Variants in BAZ2B observed in about 807,000 individuals in gnomAD.
BAZ2B encodes bromodomain adjacent to zinc finger domain protein 2B.
BAZ2B carries 91 observed loss-of-function variants against 246.0 expected under a neutral mutation model. The observed-to-expected ratio is 0.37, with a 90% confidence interval of 0.31 to 0.44. BAZ2B has a LOEUF of 0.44. Among genes scored for constraint, BAZ2B ranks in the 20% least tolerant of loss-of-function variants. BAZ2B has a pLI of 1.00. For synonymous variants in BAZ2B, 855 were observed against 860.0 expected, an observed-to-expected ratio of 0.99 and a Z score of 0.10; for missense variants, 2,332 against 2,533.7, an observed-to-expected ratio of 0.92 and a Z score of 1.71.
intron 34 of BAZ2B, among the ~76,000 whole-genome samples, chr2:159,328,188 C>T (rs1220692889): frequency 1.3e-5 from 2 of 151,690 alleles, no homozygotes; most frequent in East Asian, 1.9e-4. Context: ...AGATAGTGCA[C>T]CTACACATAC....
chr2:159,325,223 C>G (rs1456778243), intron 35 of BAZ2B, among the ~76,000 whole-genome samples: 1 of 142,794 alleles, frequency 7.0e-6, no homozygotes, highest in African/African-American at 2.6e-5. Flanking sequence ...CCCTGCCTCC[C>G]GGGTTCAAGT....
intron 1 of BAZ2B, among the ~76,000 whole-genome samples, chr2:159,610,813 G>A (rs1357281670): frequency 6.6e-6 from 1 of 152,032 alleles, no homozygotes; most frequent in African/African-American, 2.4e-5. Flanking sequence ...ATTTAAGTAT[G>A]TGGAATAAAA....
chr2:159,362,638 G>A (rs1303544753), intron 27 of BAZ2B, among the ~76,000 whole-genome samples: 1 of 152,190 alleles, frequency 6.6e-6, no homozygotes, highest in Non-Finnish European at 1.5e-5. Context: ...CCGATGTCAT[G>A]GCTTTCTGAA....
chr2:159,527,625 G>A (rs2084903346), intron 2 of BAZ2B, among the ~76,000 whole-genome samples: 1 of 152,134 alleles, frequency 6.6e-6, no homozygotes, highest in Admixed American at 6.5e-5. Flanking sequence ...TACAGGAGAA[G>A]AAGAACTGAA....
At chr2:159,611,398 C>G (rs1694693832) in intron 1 of BAZ2B, among the ~76,000 whole-genome samples, 1 of 151,710 alleles carries the variant, frequency 6.6e-6, no homozygotes, top group African/African-American at 2.4e-5. Context: ...TCAAAGGTAA[C>G]AGAATGATTT....
At chr2:159,438,731 C>A in intron 7 of BAZ2B, 36 bp from the exon 8 acceptor site, 1 of 1,530,988 alleles carries the variant, frequency 6.5e-7, no homozygotes, top group South Asian at 1.3e-5. Context: ...TTCCTAACAT[C>A]TATTAAGACA....
intron 1 of BAZ2B, among the ~76,000 whole-genome samples, chr2:159,581,373 T>C (rs1279792380): frequency 6.6e-6 from 1 of 152,176 alleles, no homozygotes; most frequent in Admixed American, 6.5e-5. Flanking sequence ...CACTATGAGA[T>C]ACCATCTCAT....
At chr2:159,577,972 CT>C (rs2151611736) in intron 1 of BAZ2B, among the ~76,000 whole-genome samples, 1 of 152,282 alleles carries the variant, frequency 6.6e-6, no homozygotes, top group East Asian at 1.9e-4. Flanking sequence ...TGAAACCTCA[CT>C]TGTTTTCACT....
chr2:159,382,410 G>T, intron 25 of BAZ2B, 149 bp downstream of exon 25: 2 of 836,938 alleles, frequency 2.4e-6, no homozygotes, highest in Non-Finnish European at 3.6e-6. Flanking sequence ...ATGGGATACA[G>T]ATTGTAATAT....
chr2:159,479,852 T>G (rs558047832), intron 2 of BAZ2B, among the ~76,000 whole-genome samples: 1 of 152,284 alleles, frequency 6.6e-6, no homozygotes, highest in African/African-American at 2.4e-5. Context: ...TCTAATCATA[T>G]AGAATTCAAA....
intron 2 of BAZ2B, among the ~76,000 whole-genome samples, chr2:159,507,269 T>C (rs539250540): frequency 2.6e-5 from 4 of 152,110 alleles, no homozygotes; most frequent in Non-Finnish European, 2.9e-5. Context: ...AGTACAAAAC[T>C]TGAAGAAATA....
At chr2:159,595,539 G>C (rs1690493836) in intron 1 of BAZ2B, among the ~76,000 whole-genome samples, 1 of 152,178 alleles carries the variant, frequency 6.6e-6, no homozygotes, top group Non-Finnish European at 1.5e-5. Flanking sequence ...CTACTAGTCT[G>C]CTAAAATGCT....
upstream of BAZ2B, among the ~76,000 whole-genome samples, chr2:159,619,045 AT>A (rs1301597384): frequency 4.6e-5 from 7 of 152,210 alleles, no homozygotes; most frequent in South Asian, 2.1e-4. Flanking sequence ...GTGAAAAAAA[AT>A]AATTTAAAGT....
chr2:159,659,739 G>C, the BAZ2B span, among the ~76,000 whole-genome samples: 1 of 152,104 alleles, frequency 6.6e-6, no homozygotes, highest in Admixed American at 6.6e-5. Flanking sequence ...ACCCAAAACT[G>C]CAACAGTTTT....
the BAZ2B span, among the ~76,000 whole-genome samples, chr2:159,648,000 A>G: frequency 6.6e-6 from 1 of 152,206 alleles, no homozygotes; most frequent in Non-Finnish European, 1.5e-5. Context: ...AATTGCACAT[A>G]TTTAAAATGC....
chr2:159,472,242 T>C (rs2077895408), intron 3 of BAZ2B, among the ~76,000 whole-genome samples: 1 of 152,250 alleles, frequency 6.6e-6, no homozygotes, highest in Admixed American at 6.5e-5. Context: ...AATTTACTCA[T>C]GATTTGGCTG....
At chr2:159,696,415 T>A in the BAZ2B span, among the ~76,000 whole-genome samples, 56 of 152,324 alleles carry the variant, frequency 3.7e-4, no homozygotes, top group Admixed American at 3.5e-3. Context: ...TGTTTAGTTT[T>A]CAGAGGGCAT....
At position 159,386,362 on chromosome 2, in the gene BAZ2B, T is replaced by C. The variant is rs2062662919; in HGVS notation, c.3462A>G (p.Thr1154=). The C allele has an allele frequency of 6.2e-7, 1 of 1,609,950 alleles. No homozygotes were observed. Among genetic ancestry groups the C allele is most frequent in the African/African-American group, 1.3e-5 (1 of 74,778 alleles). ...SAAVCDPGLI[T]GYKAKTALGE... ...TTTTGTTTTTTTTTACCTTGTATCC[T>C]GTTATTAGACCTGGATCACATACAG... The change falls in exon 22 of 37, where the codon ACA becomes ACG. Residue 1154 remains threonine (T), a synonymous_variant. Transcript: ENST00000392783.
intron 13 of BAZ2B, among the ~76,000 whole-genome samples, chr2:159,420,589 A>G (rs1018474015): frequency 2.0e-5 from 3 of 152,180 alleles, no homozygotes; most frequent in African/African-American, 7.2e-5. Context: ...ATAGCTTTCT[A>G]CAATTCACAA....
Sources: gnomAD v4.1 joint callset for allele counts (sites outside exome capture counted in the v4.1 genomes callset) on GRCh38, gnomAD v4.1.1 for gene constraint, MANE v1.5 for transcripts, NCBI Gene and HGNC (gene_info 2026-07-23, HGNC 2026-07-21) for gene names.